The following E2F6 variants were observed in gnomAD, a reference collection of about 807,000 sequenced individuals.
E2F6 encodes the protein transcription factor E2F6.
Under a neutral mutation model 31.5 loss-of-function variants are expected in E2F6, and 19 were observed. That is an observed-to-expected ratio of 0.60 (90% CI 0.42 to 0.89). The LOEUF is 0.89. Ranked by LOEUF, E2F6 falls within the 40% of genes least tolerant of loss-of-function variation. The probability of loss-of-function intolerance (pLI) is 0.00; values close to 1 mark genes in which losing one functional copy is unlikely to be tolerated. For missense variants in E2F6, 269 were observed against 341.6 expected (o/e 0.79, Z 1.67); for synonymous variants, 121 against 127.7 (o/e 0.95, Z 0.36).
rs191391530 is a variant in E2F6, at chr2:11,460,924, C to A, written c.109-3691G>T. 3.6e-3 allele frequency among the ~76,000 whole-genome samples: 549 copies of A among 152,038 alleles called. 8 individuals are homozygous for A. The highest frequency in any genetic ancestry group is 3.0e-3 in the Non-Finnish European group (201 of 68,004). On this transcript the variant is annotated intron_variant, in intron 1 of 6. Coordinates refer to ENST00000381525, the MANE Select transcript of E2F6 (RefSeq NM_198256.4). ...CAGCTCCACTATAATCTTACAGGAC[C>A]AGAAACCTAATACAGATTTGGTACC...
rs1558467591 is a variant in E2F6 at position 11,465,910 on chromosome 2, C to T, written c.-31G>A. On this transcript the variant is annotated 5_prime_UTR_variant, in exon 1 of 7. Transcript: ENST00000381525. ...CCGGCCGGGCGTCCTGCTCCCCTCG[C>T]ACCCCACGAGCTCTCCCGCCCTCTC... 3.3e-6 allele frequency: 5 copies of T among 1,506,308 alleles called. No individual in the cohort carries two copies. The highest frequency in any genetic ancestry group is 2.5e-5 in the East Asian group (1 of 39,444). 93.3% of individuals were successfully genotyped at this position (1,506,308 alleles called of 1,614,324 possible). A position where few individuals can be genotyped will look rare whatever the true frequency, so the allele number is the denominator to read the frequency against.
At chr2:11,454,250 A>G (rs1229695619) in intron 2 of E2F6, among the ~76,000 whole-genome samples, 1 of 152,034 alleles carries the variant, frequency 6.6e-6, no homozygotes, top group Non-Finnish European at 1.5e-5. Context: ...GACTCTATCC[A>G]TGTCATAGTG....
At chr2:11,447,509 A>T in intron 6 of E2F6, 118 bp downstream of exon 6, 1 of 1,083,520 alleles carries the variant, frequency 9.2e-7, no homozygotes, top group African/African-American at 1.6e-5. Flanking sequence ...GTTATGCTGT[A>T]ATTTTTTACT....
At chr2:11,451,522 T>C in intron 4 of E2F6, 129 bp downstream of exon 4, 1 of 992,148 alleles carries the variant, frequency 1.0e-6, no homozygotes, top group Non-Finnish European at 1.4e-6. Context: ...CTGGCTAATT[T>C]TGTATTTAAC....
intron 6 of E2F6, among the ~76,000 whole-genome samples, chr2:11,446,794 C>T (rs141384274): frequency 0.01 from 1,551 of 152,328 alleles, 4 homozygotes; most frequent in Middle Eastern, 0.031. Flanking sequence ...CTTTTGGAGC[C>T]GTCACGACTC....
Position 11,446,515 on chromosome 2 carries a change from G to A in E2F6, c.808C>T (p.Pro270Ser), listed in dbSNP as rs200124287. 3.7e-4 allele frequency: 591 copies of A among 1,613,088 alleles called. 1 individual carries two copies. Among genetic ancestry groups the A allele is most frequent in the Non-Finnish European group, 4.7e-4 (551 of 1,179,480 alleles). ...HPEGPEEEEN[P>S]QQSEELLEVS... is the part of the protein sequence containing the mutation. ...TCAAGCAATTCTTCACTTTGCTGAG[G>A]ATTTTCTTCTGGAAAAGAACACGAG... The change falls in exon 7 of 7, where the codon CCT (proline) becomes TCT (serine). Residue 270 changes from proline (P) to serine (S), a missense_variant. Transcript: ENST00000381525.
chr2:11,448,238 G>A (rs1158077368), intron 5 of E2F6, among the ~76,000 whole-genome samples: 3 of 152,100 alleles, frequency 2.0e-5, no homozygotes, highest in Non-Finnish European at 2.9e-5. Flanking sequence ...ATTTATAAAG[G>A]ACTAATTAAC....
intron 2 of E2F6, chr2:11,455,527 G>A: frequency 6.0e-6 from 7 of 1,164,894 alleles, no homozygotes; most frequent in Non-Finnish European, 6.9e-6. Flanking sequence ...TTAATCGGAA[G>A]TAGAGGGTCA....
At chr2:11,452,934 A>G (rs1282452707) in intron 3 of E2F6, among the ~76,000 whole-genome samples, 1 of 152,216 alleles carries the variant, frequency 6.6e-6, no homozygotes, top group East Asian at 1.9e-4. Flanking sequence ...TTAATTATTT[A>G]GGGTCATTTT....
At chr2:11,451,436 G>C in intron 4 of E2F6, 1 of 318,232 alleles carries the variant, frequency 3.1e-6, no homozygotes, top group Non-Finnish European at 5.6e-6. Flanking sequence ...CAGCAACCTC[G>C]GCCTCCCAGA....
In E2F6 at chr2:11,447,854, C is replaced by T. The variant is rs564608078; in HGVS notation, c.652-80G>A. On this transcript the variant is annotated intron_variant, in intron 5 of 6. Coordinates refer to ENST00000381525, the MANE Select transcript of E2F6 (RefSeq NM_198256.4). ...TCACTCACTAGAACTGCAAAAATTTCGAGACATTTGAGAAAATCACCTTAG... is the reference window on the plus strand; with the variant it reads ...TCACTCACTAGAACTGCAAAAATTTTGAGACATTTGAGAAAATCACCTTAG... 1.7e-5 allele frequency: 26 copies of T among 1,497,114 alleles called. No individual in the cohort carries two copies. The East Asian group carries it at 1.9e-4, about 11-fold the overall frequency. The allele number at this position is 1,497,114 out of a possible 1,614,324, so 92.7% of individuals were successfully genotyped here. A position where few individuals can be genotyped will look rare whatever the true frequency, so the allele number is the denominator to read the frequency against.
chr2:11,454,328 C>T (rs1206292502), intron 2 of E2F6, among the ~76,000 whole-genome samples: 1 of 151,646 alleles, frequency 6.6e-6, no homozygotes, highest in Admixed American at 6.6e-5. Context: ...TATGACATAC[C>T]TCGAGCAACA....
intron 1 of E2F6, chr2:11,458,474 CTT>C: frequency 1.0e-6 from 1 of 976,786 alleles, no homozygotes; most frequent in Admixed American, 2.1e-5. Context: ...AGTGACTTGA[CTT>C]TGAAGCTGGG....
intron 1 of E2F6, among the ~76,000 whole-genome samples, chr2:11,460,777 C>T (rs1671726469): frequency 6.6e-6 from 1 of 152,286 alleles, no homozygotes; most frequent in South Asian, 2.1e-4. Flanking sequence ...ATGTGACTGA[C>T]TGAATACTGT....
intron 1 of E2F6, among the ~76,000 whole-genome samples, chr2:11,461,600 G>A (rs1671787166): frequency 6.6e-6 from 1 of 152,152 alleles, no homozygotes; most frequent in Non-Finnish European, 1.5e-5. Context: ...TGATCCACCC[G>A]CCTCAGCCTC....
At chr2:11,461,563 G>C (rs1402138451) in intron 1 of E2F6, among the ~76,000 whole-genome samples, 1 of 152,090 alleles carries the variant, frequency 6.6e-6, no homozygotes, top group Non-Finnish European at 1.5e-5. Context: ...ACATTAGCCA[G>C]GCTGGTCTCG....
At chr2:11,458,142 C>A in intron 1 of E2F6, 1 of 796,778 alleles carries the variant, frequency 1.3e-6, no homozygotes, top group Middle Eastern at 2.3e-4. Context: ...TAATGTGCCT[C>A]CAGACAGGCT....
chr2:11,464,444 G>C (rs192883186), intron 1 of E2F6, among the ~76,000 whole-genome samples: 2 of 150,472 alleles, frequency 1.3e-5, no homozygotes, highest in Non-Finnish European at 3.0e-5. Flanking sequence ...GTGAACTCGG[G>C]AGGCGGAGCT....
At chr2:11,464,098 A>AACTACAACGG (rs1671970324) in intron 1 of E2F6, among the ~76,000 whole-genome samples, 1 of 152,130 alleles carries the variant, frequency 6.6e-6, no homozygotes, top group African/African-American at 2.4e-5. Flanking sequence ...TTGTAGTCAA[A>AACTACAACGG]ACTACAACAG....
Sources: allele counts gnomAD v4.1 joint callset (sites outside exome capture counted in the v4.1 genomes callset), GRCh38; gene constraint gnomAD v4.1.1; transcripts MANE v1.5; gene names NCBI Gene and HGNC (gene_info 2026-07-23, HGNC 2026-07-21).